The following BCAS3 variants were observed in gnomAD, a reference collection of about 807,000 sequenced individuals.
BCAS3 encodes BCAS4/BCAS3 fusion.
Under a neutral mutation model 116.1 loss-of-function variants are expected in BCAS3, and 53 were observed. That is an observed-to-expected ratio of 0.46 (90% CI 0.37 to 0.57). The LOEUF (loss-of-function observed/expected upper bound fraction) is 0.57. BCAS3 is among the 20% of genes least tolerant of loss of function. The pLI is 0.00. For synonymous variants in BCAS3, 391 were observed against 408.2 expected (o/e 0.96, Z 0.51); for missense variants, 917 against 1,165.4 (o/e 0.79, Z 3.10).
chr17:60,680,796 C>T (rs776791168), intron 2 of BCAS3, among the ~76,000 whole-genome samples: 11 of 152,156 alleles, frequency 7.2e-5, no homozygotes, highest in South Asian at 2.1e-4. Flanking sequence ...TACAGGCGAG[C>T]GCCACCAGGC....
At chr17:61,116,206 C>T (rs1775445641) in intron 22 of BCAS3, among the ~76,000 whole-genome samples, 1 of 151,476 alleles carries the variant, frequency 6.6e-6, no homozygotes, top group Non-Finnish European at 1.5e-5. Context: ...CTAACCTGCA[C>T]AATGTGCGCA....
chr17:61,184,651 G>A (rs970820964), intron 22 of BCAS3, among the ~76,000 whole-genome samples: 5 of 152,136 alleles, frequency 3.3e-5, no homozygotes, highest in African/African-American at 4.8e-5. Flanking sequence ...AAAAAAGATT[G>A]TATGTGAATG....
At chr17:61,303,207 A>G (rs1253245614) in intron 22 of BCAS3, among the ~76,000 whole-genome samples, 1 of 152,204 alleles carries the variant, frequency 6.6e-6, no homozygotes, top group African/African-American at 2.4e-5. Flanking sequence ...AAGAGGATTT[A>G]TGGGGAGCCA....
chr17:60,786,547 G>GTATATATATATATA (rs72319489), intron 6 of BCAS3, among the ~76,000 whole-genome samples: 1,407 of 140,578 alleles, frequency 0.01, 19 homozygotes, highest in African/African-American at 0.033. Context: ...CTGCAAATGT[G>GTATATATATATATA]TATATATATA....
At chr17:61,138,395 T>A (rs2076756827) in intron 22 of BCAS3, among the ~76,000 whole-genome samples, 1 of 152,212 alleles carries the variant, frequency 6.6e-6, no homozygotes, top group African/African-American at 2.4e-5. Context: ...GTTGAGTATC[T>A]ACGTGGGAAC....
At chr17:60,933,198 G>A (rs899868568) in intron 13 of BCAS3, among the ~76,000 whole-genome samples, 16 of 151,980 alleles carry the variant, frequency 1.1e-4, no homozygotes, top group African/African-American at 3.9e-4. Flanking sequence ...CCATGGAAAT[G>A]ACATTTTTAT....
rs1316255339 is a variant in BCAS3 at position 60,993,200 on chromosome 17, T to C, written c.1486+2965T>C. On this transcript the variant is annotated intron_variant, in intron 15 of 23. Transcript: ENST00000407086. This position sits in a 1 kb window ranked among gnomAD's most constrained non-coding sequence, Gnocchi z 4.2. ...CGGGAAAAGACAGATATTAAATGAC[T>C]GTGAACAAATACCTTTCAATATACT... Among the ~76,000 whole-genome samples, 1 of 152,220 alleles carries C rather than the reference T, an allele frequency of 6.6e-6. No individual in the cohort carries two copies. The highest frequency in any genetic ancestry group is 1.5e-5 in the Non-Finnish European group (1 of 68,038).
intron 22 of BCAS3, among the ~76,000 whole-genome samples, chr17:61,270,094 C>T (rs2050110452): frequency 1.3e-5 from 2 of 149,554 alleles, no homozygotes; most frequent in African/African-American, 2.5e-5. Context: ...AGTGAGCCAC[C>T]AGGCATGGCC....
chr17:61,329,204 G>C (rs951396037), intron 22 of BCAS3, among the ~76,000 whole-genome samples: 3 of 151,142 alleles, frequency 2.0e-5, no homozygotes, highest in Non-Finnish European at 4.4e-5. Context: ...CTTTTTCTAA[G>C]GGCACCGATC....
rs1328908686 is a variant in BCAS3, at chr17:61,380,407, C to A, written c.2594-11570C>A. On this transcript the variant is annotated intron_variant, in intron 23 of 23. Transcript: ENST00000407086. The surrounding 1 kb of genome is among the most constrained non-coding windows in gnomAD (Gnocchi z 4.2). ...CCCGCAAAGCTCTCAGTGGTCAAAC[C>A]AGATTTGGGTATCGACTCACTTTGA... is the stretch of plus-strand genomic sequence containing the variant. 2 of 1,157,960 alleles carry A rather than the reference C, an allele frequency of 1.7e-6. No individual in the cohort carries two copies. Among genetic ancestry groups the A allele is most frequent in the East Asian group, 2.5e-5 (1 of 39,728 alleles). The allele number at this position is 1,157,960 out of a possible 1,614,324, so 71.7% of individuals were successfully genotyped here. A position where few individuals can be genotyped will look rare whatever the true frequency, so the allele number is the denominator to read the frequency against.
At chr17:61,086,358 G>A (rs1443694100) in intron 22 of BCAS3, among the ~76,000 whole-genome samples, 1 of 152,188 alleles carries the variant, frequency 6.6e-6, no homozygotes, top group African/African-American at 2.4e-5. Context: ...CTCCCAAAGT[G>A]TTGGGATTAC....
chr17:61,086,053 A>G (rs879753264), intron 22 of BCAS3, among the ~76,000 whole-genome samples: 4 of 152,134 alleles, frequency 2.6e-5, no homozygotes, highest in African/African-American at 4.8e-5. Context: ...GACATATTCA[A>G]TACTAGATTC....
In BCAS3 at chr17:61,087,097, T is replaced by C; in HGVS notation, c.2425+2533T>C. The C allele has an allele frequency of 1.0e-6, 1 of 984,742 alleles. No homozygotes were observed. Among genetic ancestry groups the C allele is most frequent in the Non-Finnish European group, 1.2e-6 (1 of 829,332 alleles). The allele number at this position is 984,742 out of a possible 1,614,324, so 61.0% of individuals were successfully genotyped here. On this transcript the variant is annotated intron_variant, in intron 22 of 23. Transcript: ENST00000407086. The surrounding 1 kb of genome is among the most constrained non-coding windows in gnomAD (Gnocchi z 4.6). ...ATGGGAAAATTTTGTTGTAGATTCTTCTGTTAAAAAGAATCTAATAAATTT... is the reference window on the plus strand; with the variant it reads ...ATGGGAAAATTTTGTTGTAGATTCTCCTGTTAAAAAGAATCTAATAAATTT...
intron 7 of BCAS3, among the ~76,000 whole-genome samples, chr17:60,853,839 A>G (rs893154331): frequency 6.6e-6 from 1 of 152,078 alleles, no homozygotes; most frequent in South Asian, 2.1e-4. Context: ...ATGTATAAAC[A>G]CCTCATTCCT....
chr17:61,163,137 G>T (rs2078260187), intron 22 of BCAS3, among the ~76,000 whole-genome samples: 1 of 152,148 alleles, frequency 6.6e-6, no homozygotes, highest in Non-Finnish European at 1.5e-5. Context: ...TTAAAAAGTG[G>T]TTTTAGGCCA....
intron 22 of BCAS3, among the ~76,000 whole-genome samples, chr17:61,190,899 G>A (rs1383393939): frequency 6.6e-6 from 1 of 151,860 alleles, no homozygotes; most frequent in Non-Finnish European, 1.5e-5. Flanking sequence ...CACCGTGCCT[G>A]GACTACAAAA....
chr17:61,092,340 C>G (rs562725343), intron 22 of BCAS3, among the ~76,000 whole-genome samples: 5 of 152,172 alleles, frequency 3.3e-5, no homozygotes, highest in Admixed American at 6.5e-5. Context: ...CTCTCTCTCT[C>G]TCTCTGTCTC....
chr17:60,755,935 T>A (rs2042948279), intron 6 of BCAS3, among the ~76,000 whole-genome samples: 1 of 152,222 alleles, frequency 6.6e-6, no homozygotes. Context: ...CATTTCTATG[T>A]GCTGGTAACA....
chr17:61,340,280 A>G (rs1379486405), intron 22 of BCAS3, among the ~76,000 whole-genome samples: 1 of 126,100 alleles, frequency 7.9e-6, no homozygotes, highest in Non-Finnish European at 1.6e-5. Flanking sequence ...TGGTGCATAC[A>G]TGGAGGGATT....
Sources: gnomAD v4.1 joint callset for allele counts (sites outside exome capture counted in the v4.1 genomes callset) on GRCh38, gnomAD v4.1.1 for gene constraint, Gnocchi (gnomAD v3.1) non-coding constraint, MANE v1.5 for transcripts, NCBI Gene and HGNC (gene_info 2026-07-23, HGNC 2026-07-21) for gene names.